Variants in PKNOX1 observed in about 807,000 individuals in gnomAD.
The protein encoded by PKNOX1 is PBX/knotted 1 homeobox 1.
In PKNOX1, 15 loss-of-function variants were observed where a neutral mutation model predicts 51.9. The observed-to-expected ratio is 0.29, with a 90% CI of 0.19 to 0.45. The LOEUF (loss-of-function observed/expected upper bound fraction) is 0.45. Among genes scored for constraint, PKNOX1 ranks in the 20% least tolerant of loss-of-function variants. PKNOX1 has a pLI of 1.00. For synonymous variants in PKNOX1, 219 were observed against 211.1 expected (o/e 1.04, Z -0.32); for missense variants, 462 against 547.5 (o/e 0.84, Z 1.56).
chr21:42,995,874 G>C (rs1978481593), intron 1 of PKNOX1, among the ~76,000 whole-genome samples: 1 of 152,106 alleles, frequency 6.6e-6, no homozygotes, highest in Non-Finnish European at 1.5e-5. Flanking sequence ...TTGTATTTTA[G>C]AGCTTTTTCT....
chr21:43,029,053 C>G, intron 10 of PKNOX1, 179 bp downstream of exon 10: 1 of 643,132 alleles, frequency 1.6e-6, no homozygotes, highest in Non-Finnish European at 2.8e-6. Context: ...CGGGAGCTCT[C>G]AGTAAGAGTT....
chr21:42,998,223 A>G (rs955043380), intron 1 of PKNOX1, among the ~76,000 whole-genome samples: 3 of 152,200 alleles, frequency 2.0e-5, no homozygotes, highest in African/African-American at 7.2e-5. Context: ...GCATGTGTGC[A>G]GGGGAGCTCC....
chr21:42,979,967 T>C (rs2059018481), intron 1 of PKNOX1, among the ~76,000 whole-genome samples: 2 of 152,210 alleles, frequency 1.3e-5, no homozygotes, highest in Admixed American at 6.5e-5. Flanking sequence ...TCTGCGCTTA[T>C]GATCTAAGTG....
chr21:43,019,822 G>A (rs553294653), intron 7 of PKNOX1, among the ~76,000 whole-genome samples: 6 of 152,114 alleles, frequency 3.9e-5, no homozygotes, highest in South Asian at 2.1e-4. Context: ...GATTACAGGC[G>A]TGAGCTACTG....
rs752362970 is a variant in PKNOX1, at chr21:43,030,085, G to C, written c.1295G>C (p.Ser432Thr). 6.2e-7 allele frequency: 1 copy of C among 1,602,100 alleles called. No individual in the cohort carries two copies. Among genetic ancestry groups the C allele is most frequent in the South Asian group, 1.1e-5 (1 of 90,792 alleles). ...ATCAGCGGGCTGGTCTTGGAGAACA[G>C]TGACTCCCTGCAGTAGGGGCAGGAG... ...AHISGLVLEN[S>T]DSLQ The change falls in exon 11 of 11, where the codon AGT (serine) becomes ACT (threonine). Residue 432 changes from serine (S) to threonine (T), a missense_variant. Ser to Thr is a moderately conservative substitution (Grantham distance 58). Coordinates refer to ENST00000291547, the MANE Select transcript of PKNOX1 (RefSeq NM_004571.5).
rs540650437 is a variant in PKNOX1, at chr21:43,032,540, C to T, written c.*2439C>T. On this transcript the variant is annotated 3_prime_UTR_variant, in exon 11 of 11. Transcript: ENST00000291547. ...GTCTGAGGCAGAGGATGGCATGTGC[C>T]AGGAGTTTGAGGCTGCAGTGCACTA... is the stretch of plus-strand genomic sequence containing the variant. The T allele has an allele frequency of 1.7e-4, 36 of 214,502 alleles. No homozygotes were observed. Among genetic ancestry groups the T allele is most frequent in the African/African-American group, 7.9e-4 (35 of 44,212 alleles). The allele number at this position is 214,502 out of a possible 1,614,324, so 13.3% of individuals were successfully genotyped here.
intron 4 of PKNOX1, among the ~76,000 whole-genome samples, chr21:43,010,572 C>G (rs995354360): frequency 3.3e-5 from 5 of 152,066 alleles, no homozygotes; most frequent in Non-Finnish European, 7.4e-5. Flanking sequence ...ATAAAATAGG[C>G]CAGGCGTGGT....
intron 9 of PKNOX1, among the ~76,000 whole-genome samples, chr21:43,026,486 C>T (rs377040088): frequency 1.4e-4 from 22 of 152,064 alleles, no homozygotes; most frequent in African/African-American, 4.3e-4. Context: ...AGGCCAGGCG[C>T]GGTGGCTCAC....
At chr21:43,024,179 G>A (rs187568978) in intron 8 of PKNOX1, among the ~76,000 whole-genome samples, 7 of 152,292 alleles carry the variant, frequency 4.6e-5, no homozygotes, top group Admixed American at 2.6e-4. Flanking sequence ...CAGGAAAGCC[G>A]TCGATGGCAT....
chr21:43,011,694 G>T (rs1311829200), intron 4 of PKNOX1, among the ~76,000 whole-genome samples: 1 of 152,164 alleles, frequency 6.6e-6, no homozygotes, highest in Non-Finnish European at 1.5e-5. Context: ...CCTGGTTAGG[G>T]CCTTCAACAG....
chr21:42,985,885 C>T (rs1225295603), intron 1 of PKNOX1, among the ~76,000 whole-genome samples: 1 of 151,508 alleles, frequency 6.6e-6, no homozygotes, highest in Non-Finnish European at 1.5e-5. Flanking sequence ...CCTATAATTC[C>T]AGCTACTCAG....
intron 10 of PKNOX1, among the ~76,000 whole-genome samples, chr21:43,029,135 C>T (rs1005649090): frequency 7.9e-5 from 12 of 152,206 alleles, no homozygotes; most frequent in African/African-American, 2.9e-4. Context: ...CTCAAAGACA[C>T]AGTCATGCCC....
At chr21:42,994,049 T>C (rs1207671792) in intron 1 of PKNOX1, among the ~76,000 whole-genome samples, 1 of 147,792 alleles carries the variant, frequency 6.8e-6, no homozygotes, top group Non-Finnish European at 1.5e-5. Context: ...TTTTTTTTTT[T>C]TTTTAAGGCA....
intron 1 of PKNOX1, among the ~76,000 whole-genome samples, chr21:42,993,826 G>A (rs12483311): frequency 0.86 from 128,845 of 150,188 alleles, 55,324 homozygotes; most frequent in African/African-American, 0.88. Flanking sequence ...TCCGCTTCCC[G>A]GGTGCAAGTG....
intron 1 of PKNOX1, among the ~76,000 whole-genome samples, chr21:42,987,404 A>AAAAAAAAAATATATATATATATATAT: frequency 2.4e-5 from 1 of 41,408 alleles, no homozygotes; most frequent in African/African-American, 9.3e-5. Context: ...AAAAAAAAAA[A>AAAAAAAAAATATATATATATATATAT]ATATATATAT....
chr21:43,000,166 C>A (rs1195586446), intron 1 of PKNOX1, among the ~76,000 whole-genome samples: 1 of 152,184 alleles, frequency 6.6e-6, no homozygotes, highest in Non-Finnish European at 1.5e-5. Context: ...CTTCTGAGCC[C>A]TCCAAACTGT....
rs193098398 is a variant in PKNOX1, at chr21:43,032,466, G to A, written c.*2365G>A. On this transcript the variant is annotated 3_prime_UTR_variant, in exon 11 of 11. Transcript: ENST00000291547. Reference sequence around the variant, plus strand: ...GCAGTGGATTGAATTTAAGAGTGCTGCCCCTGCCCGGCGCAGTAGGGCGTG... The same window carrying A: ...GCAGTGGATTGAATTTAAGAGTGCTACCCCTGCCCGGCGCAGTAGGGCGTG... 2.8e-4 allele frequency: 77 copies of A among 278,802 alleles called. No homozygotes were observed. The highest frequency in any genetic ancestry group is 5.0e-4 in the Non-Finnish European group (68 of 136,850). 17.3% of individuals were successfully genotyped at this position (278,802 alleles called of 1,614,324 possible).
intron 1 of PKNOX1, among the ~76,000 whole-genome samples, chr21:42,984,933 G>C (rs958914252): frequency 1.3e-5 from 2 of 151,296 alleles, no homozygotes; most frequent in Non-Finnish European, 2.9e-5. Context: ...CATGGGAAAG[G>C]GGTCCTTGCC....
chr21:43,012,100 A>G (rs913183227), intron 4 of PKNOX1, among the ~76,000 whole-genome samples: 9 of 152,244 alleles, frequency 5.9e-5, no homozygotes, highest in African/African-American at 2.2e-4. Context: ...TATTCACTGC[A>G]TAGATACCTA....
Sources: gnomAD v4.1 joint callset for allele counts (sites outside exome capture counted in the v4.1 genomes callset) on GRCh38, gnomAD v4.1.1 for gene constraint, MANE v1.5 for transcripts, NCBI Gene and HGNC (gene_info 2026-07-23, HGNC 2026-07-21) for gene names.